The following ANAPC7 variants were observed in gnomAD, a reference collection of about 807,000 sequenced individuals.
ANAPC7 encodes the protein anaphase-promoting complex subunit 7.
In ANAPC7, 25 loss-of-function variants were observed where a neutral mutation model predicts 63.3. That is an observed-to-expected ratio of 0.39 (90% CI 0.29 to 0.55). The LOEUF (loss-of-function observed/expected upper bound fraction) is 0.55, where lower values mean the gene tolerates loss of function less well. Ranked by LOEUF, ANAPC7 falls within the 20% of genes least tolerant of loss-of-function variation. ANAPC7 has a pLI of 0.57. For missense variants in ANAPC7, 516 were observed against 691.7 expected, an observed-to-expected ratio of 0.75 and a Z score of 2.85; for synonymous variants, 241 against 251.7, an observed-to-expected ratio of 0.96 and a Z score of 0.40.
At chr12:110,394,424 C>G (rs1286547582) in intron 3 of ANAPC7, among the ~76,000 whole-genome samples, 3 of 151,646 alleles carry the variant, frequency 2.0e-5, no homozygotes, top group Non-Finnish European at 4.4e-5. Context: ...GTCAGGAGTT[C>G]AAGACCAGCC....
At chr12:110,380,484 C>T (rs1232680788) in intron 8 of ANAPC7, among the ~76,000 whole-genome samples, 3 of 151,324 alleles carry the variant, frequency 2.0e-5, no homozygotes, top group Non-Finnish European at 4.4e-5. Flanking sequence ...AACTCCATCT[C>T]ACTAAAAAAT....
rs771873408 is a variant in ANAPC7 at position 110,374,345 on chromosome 12, C to G, written c.1509-12G>C. 1.4e-5 allele frequency: 23 copies of G among 1,612,470 alleles called. No individual in the cohort carries two copies. Among genetic ancestry groups the G allele is most frequent in the Non-Finnish European group, 2.0e-5 (23 of 1,178,890 alleles). ...CATTGGGGTCCAAACTAGGGGACAA[C>G]AAAACAAAGGAGAGGCCTGAATCTC... On this transcript the variant is annotated splice_polypyrimidine_tract_variant and intron_variant, in intron 10 of 10. Transcript: ENST00000455511.
intron 8 of ANAPC7, chr12:110,377,976 G>A (rs1453483201): frequency 2.7e-6 from 1 of 373,726 alleles, no homozygotes; most frequent in South Asian, 4.9e-5. Flanking sequence ...AGTAGTGAGA[G>A]ATGATGTTCC....
In ANAPC7 at chr12:110,376,038, C is replaced by G. The variant is rs1881234670; in HGVS notation, c.1508+28G>C. The G allele has an allele frequency of 3.8e-6, 6 of 1,596,222 alleles. No individual in the cohort carries two copies. In the South Asian group the frequency reaches 6.7e-5, roughly 18 times the overall value. ...CTGCCTCCTCTACCCTCCTCAGTGG[C>G]CTTCCCCCAAGGGAGGCTAGTGCCT... On this transcript the variant is annotated intron_variant, in intron 10 of 10. Coordinates refer to ENST00000455511, the MANE Select transcript of ANAPC7 (RefSeq NM_016238.3).
Position 110,382,461 on chromosome 12 carries a change from AATATATATAT to A in ANAPC7, c.935+372_935+381del, listed in dbSNP as rs66967302. Reference sequence around the variant, plus strand: ...CCTTTTAAAAAAAAAAAAAAAAAAAAATATATATATATATATATATATATATATATATATT... The same window carrying A: ...CCTTTTAAAAAAAAAAAAAAAAAAAAATATATATATATATATATATATATT... On this transcript the variant is annotated intron_variant, in intron 7 of 10. Transcript: ENST00000455511. Among the ~76,000 whole-genome samples, 31 of 30,844 alleles carry A rather than the reference AATATATATAT, an allele frequency of 1.0e-3. 2 individuals carry two copies. Among genetic ancestry groups the A allele is most frequent in the African/African-American group, 3.4e-3 (28 of 8,246 alleles). The allele number at this position is 30,844 out of a possible 152,430, so 20.2% of individuals were successfully genotyped here.
At chr12:110,380,836 G>A (rs1881765077) in intron 8 of ANAPC7, among the ~76,000 whole-genome samples, 1 of 150,996 alleles carries the variant, frequency 6.6e-6, no homozygotes, top group African/African-American at 2.4e-5. Context: ...TACTGGGGAG[G>A]CTGAGGCAGG....
rs201117642 is a variant in ANAPC7 at position 110,374,127 on chromosome 12, A to G, written c.*17T>C. 1.7e-4 allele frequency: 279 copies of G among 1,599,376 alleles called. 4 individuals are homozygous for G. In the East Asian group the frequency reaches 4.7e-3, roughly 27 times the overall value. On this transcript the variant is annotated 3_prime_UTR_variant, in exon 11 of 11. Coordinates refer to ENST00000455511, the MANE Select transcript of ANAPC7 (RefSeq NM_016238.3). ...CAGAGCAGGGCAGGCCACTGCGGCCATGGAGCTGCCGCCCCCTCACTGCAT... is the reference window on the plus strand; with the variant it reads ...CAGAGCAGGGCAGGCCACTGCGGCCGTGGAGCTGCCGCCCCCTCACTGCAT...
At chr12:110,376,779 CAGTT>C (rs1227341589) in intron 9 of ANAPC7, among the ~76,000 whole-genome samples, 3 of 149,962 alleles carry the variant, frequency 2.0e-5, no homozygotes, top group Admixed American at 1.3e-4. Flanking sequence ...TGGCTAAAAT[CAGTT>C]AGTTATATTC....
chr12:110,395,307 A>C, intron 2 of ANAPC7, 87 bp from the exon 3 acceptor site: 2 of 1,311,508 alleles, frequency 1.5e-6, no homozygotes, highest in Non-Finnish European at 2.1e-6. Context: ...TTATCATATG[A>C]CCCAGCAATT....
At position 110,376,109 on chromosome 12, in the gene ANAPC7, T is replaced by C; in HGVS notation, c.1465A>G (p.Asn489Asp). The change falls in exon 10 of 11, where the codon AAT becomes GAT. Residue 489 changes from asparagine to aspartate, a missense_variant. By Grantham distance (23) the Asn-to-Asp change is conservative. Coordinates refer to ENST00000455511, the MANE Select transcript of ANAPC7 (RefSeq NM_016238.3). ...TGGTCCATTGCCTCCTGATACTCAT[T>C]GACAGCTACAAGGAAATCTCCTAGG... ...RILGDFLVAV[N>D]EYQEAMDQYS... 6.2e-7 allele frequency: 1 copy of C among 1,614,108 alleles called. No homozygotes were observed. The highest frequency in any genetic ancestry group is 8.5e-7 in the Non-Finnish European group (1 of 1,180,018).
At chr12:110,390,786 A>G (rs1197390469) in intron 3 of ANAPC7, among the ~76,000 whole-genome samples, 7 of 152,230 alleles carry the variant, frequency 4.6e-5, no homozygotes, top group African/African-American at 1.7e-4. Context: ...ACTGCTGGTT[A>G]TATTAACAAA....
At chr12:110,388,652 A>T in intron 3 of ANAPC7, 29 bp from the exon 4 acceptor site, 2 of 1,494,052 alleles carry the variant, frequency 1.3e-6, no homozygotes, top group Non-Finnish European at 1.9e-6. Flanking sequence ...CAGATAGCAA[A>T]ATAAGCGTAT....
intron 1 of ANAPC7, among the ~76,000 whole-genome samples, chr12:110,396,774 C>CA (rs1462667729): frequency 2.0e-5 from 3 of 151,978 alleles, no homozygotes; most frequent in African/African-American, 7.2e-5. Context: ...GTCGGCCTCC[C>CA]AAAGTGCTGG....
At chr12:110,387,336 G>GACAGAGAGA in intron 5 of ANAPC7, 1 of 17,814 alleles carries the variant, frequency 5.6e-5, no homozygotes, top group Admixed American at 8.3e-4. Flanking sequence ...AGAGAGAGAG[G>GACAGAGAGA]CAGAGAGAGA....
At chr12:110,374,543 AG>A (rs912985565) in intron 10 of ANAPC7, among the ~76,000 whole-genome samples, 1 of 152,168 alleles carries the variant, frequency 6.6e-6, no homozygotes, top group African/African-American at 2.4e-5. Flanking sequence ...TAATTTTTAG[AG>A]TTCTCAATTT....
In ANAPC7 at chr12:110,382,455, AAAAAAAATATATATATATATATAT is replaced by A. The variant is rs1344517638; in HGVS notation, c.935+364_935+387del. Among the ~76,000 whole-genome samples, 6 of 70,492 alleles carry A rather than the reference AAAAAAAATATATATATATATATAT, an allele frequency of 8.5e-5. 1 individual carries two copies. The highest frequency in any genetic ancestry group is 2.4e-4 in the African/African-American group (4 of 16,392). The allele number at this position is 70,492 out of a possible 152,430, so 46.2% of individuals were successfully genotyped here. Reference sequence around the variant, plus strand: ...GATTATCCTTTTAAAAAAAAAAAAAAAAAAAAATATATATATATATATATATATATATATATATATTTATAGAGA... The same window carrying A: ...GATTATCCTTTTAAAAAAAAAAAAAAATATATATATATATATTTATAGAGA... On this transcript the variant is annotated intron_variant, in intron 7 of 10. Coordinates refer to ENST00000455511, the MANE Select transcript of ANAPC7 (RefSeq NM_016238.3).
At chr12:110,377,656 T>TACCATTCCA in intron 8 of ANAPC7, 39 bp from the exon 9 acceptor site, 1 of 1,612,508 alleles carries the variant, frequency 6.2e-7, no homozygotes, top group Non-Finnish European at 8.5e-7. Context: ...TCAATGCCAT[T>TACCATTCCA]ACCATTCCAA....
intron 3 of ANAPC7, among the ~76,000 whole-genome samples, chr12:110,390,143 A>G (rs1204093738): frequency 6.6e-6 from 1 of 151,664 alleles, no homozygotes; most frequent in African/African-American, 2.4e-5. Flanking sequence ...ATCTCAGCTC[A>G]CTGCAACCTC....
At chr12:110,391,350 T>G (rs1316002111) in intron 3 of ANAPC7, among the ~76,000 whole-genome samples, 1 of 152,172 alleles carries the variant, frequency 6.6e-6, no homozygotes, top group Non-Finnish European at 1.5e-5. Flanking sequence ...AGGTGAAGAT[T>G]TACCAAGATT....
Sources: gnomAD v4.1 joint callset for allele counts (sites outside exome capture counted in the v4.1 genomes callset) on GRCh38, gnomAD v4.1.1 for gene constraint, MANE v1.5 for transcripts, NCBI Gene and HGNC (gene_info 2026-07-23, HGNC 2026-07-21) for gene names.